The following LINGO2 variants were observed in gnomAD, a reference collection of about 807,000 sequenced individuals.
LINGO2 encodes the protein leucine-rich repeat and immunoglobulin-like domain-containing nogo receptor-interacting protein 2.
A neutral mutation model predicts 30.6 loss-of-function variants in LINGO2; 14 were observed. That is an observed-to-expected ratio of 0.46 (90% CI 0.30 to 0.72). LINGO2 has a LOEUF of 0.72. LINGO2 is among the 30% of genes least tolerant of loss of function. The probability of loss-of-function intolerance (pLI) is 0.07; values close to 1 mark genes in which losing one functional copy is unlikely to be tolerated. For missense variants in LINGO2, 729 were observed against 751.7 expected, an observed-to-expected ratio of 0.97 and a Z score of 0.35; for synonymous variants, 317 against 288.5, an observed-to-expected ratio of 1.10 and a Z score of -1.00.
chr9:29,062,817 C>T, the LINGO2 span, among the ~76,000 whole-genome samples: 4 of 152,106 alleles, frequency 2.6e-5, no homozygotes, highest in African/African-American at 7.2e-5. Flanking sequence ...AGCATGATTA[C>T]ATATGTCACA....
intron 3 of LINGO2, among the ~76,000 whole-genome samples, chr9:28,343,565 T>C (rs753247878): frequency 2.6e-5 from 4 of 152,156 alleles, no homozygotes; most frequent in African/African-American, 9.7e-5. Flanking sequence ...GGGACTGAGA[T>C]GAAAATTTAA....
At chr9:28,986,192 C>T in the LINGO2 span, among the ~76,000 whole-genome samples, 5 of 151,848 alleles carry the variant, frequency 3.3e-5, no homozygotes, top group African/African-American at 9.7e-5. Flanking sequence ...TTTCTGAGCT[C>T]TCTATTCTGT....
chr9:29,088,399 ACT>A, the LINGO2 span, among the ~76,000 whole-genome samples: 1 of 152,010 alleles, frequency 6.6e-6, no homozygotes, highest in Non-Finnish European at 1.5e-5. Context: ...TAAAGAGTCG[ACT>A]CTGAGTAAAC....
intron 1 of LINGO2, among the ~76,000 whole-genome samples, chr9:28,660,215 CTG>C (rs1223034655): frequency 6.6e-6 from 1 of 152,060 alleles, no homozygotes; most frequent in Non-Finnish European, 1.5e-5. Flanking sequence ...TGCATCATAA[CTG>C]TTCTAGTGTT....
intron 4 of LINGO2, among the ~76,000 whole-genome samples, chr9:28,040,495 C>A (rs1012490843): frequency 1.2e-4 from 13 of 108,386 alleles, no homozygotes; most frequent in African/African-American, 2.7e-4. Flanking sequence ...TTATTAAAAT[C>A]TTTTTTCTTT....
the LINGO2 span, among the ~76,000 whole-genome samples, chr9:29,152,102 A>G: frequency 6.6e-6 from 1 of 152,152 alleles, no homozygotes; most frequent in African/African-American, 2.4e-5. Flanking sequence ...TGCAAATCCA[A>G]ACCACAATGA....
intron 1 of LINGO2, among the ~76,000 whole-genome samples, chr9:28,628,068 G>A (rs1451217782): frequency 2.0e-5 from 3 of 151,832 alleles, no homozygotes; most frequent in Non-Finnish European, 4.4e-5. Flanking sequence ...TATTTGTGGA[G>A]TTATGAAAAA....
At chr9:27,997,254 G>T (rs1338251643) in intron 5 of LINGO2, among the ~76,000 whole-genome samples, 1 of 152,198 alleles carries the variant, frequency 6.6e-6, no homozygotes, top group Non-Finnish European at 1.5e-5. Flanking sequence ...TGGCAGATGT[G>T]AAAGACTTAA....
intron 1 of LINGO2, among the ~76,000 whole-genome samples, chr9:28,620,757 A>G (rs1237887541): frequency 6.6e-6 from 1 of 152,092 alleles, no homozygotes; most frequent in Non-Finnish European, 1.5e-5. Flanking sequence ...GTTCTCTGTT[A>G]TAAGTGGGAG....
chr9:28,347,689 A>G (rs1819645865), intron 3 of LINGO2, among the ~76,000 whole-genome samples: 1 of 152,076 alleles, frequency 6.6e-6, no homozygotes, highest in Admixed American at 6.5e-5. Context: ...TCCAGACTCC[A>G]CTCTGTAATT....
the LINGO2 span, among the ~76,000 whole-genome samples, chr9:28,847,881 T>G: frequency 1.6e-5 from 2 of 124,952 alleles, no homozygotes; most frequent in Non-Finnish European, 3.3e-5. Flanking sequence ...ATACAGTATA[T>G]ATACACATAT....
chr9:28,972,632 C>T, the LINGO2 span, among the ~76,000 whole-genome samples: 1 of 152,146 alleles, frequency 6.6e-6, no homozygotes, highest in African/African-American at 2.4e-5. Context: ...ACGTATTAGT[C>T]TGTTCTCATG....
At chr9:28,802,128 C>G in the LINGO2 span, among the ~76,000 whole-genome samples, 6 of 151,958 alleles carry the variant, frequency 3.9e-5, no homozygotes, top group African/African-American at 1.4e-4. Flanking sequence ...TAGTGCATAA[C>G]TTTTCTAGTT....
the LINGO2 span, among the ~76,000 whole-genome samples, chr9:29,099,663 C>A: frequency 6.6e-6 from 1 of 152,056 alleles, no homozygotes; most frequent in African/African-American, 2.4e-5. Context: ...TCAGAGAATG[C>A]AAATCAAACT....
chr9:28,604,816 C>A (rs1587946679), intron 1 of LINGO2, among the ~76,000 whole-genome samples: 1 of 151,724 alleles, frequency 6.6e-6, no homozygotes, highest in Non-Finnish European at 1.5e-5. Context: ...TATAGAGAGA[C>A]CTAATATGTG....
chr9:28,230,102 C>G (rs1194898422), intron 4 of LINGO2, among the ~76,000 whole-genome samples: 1 of 151,798 alleles, frequency 6.6e-6, no homozygotes. Flanking sequence ...ATCAACGTCA[C>G]ATTTATTGTT....
intron 3 of LINGO2, among the ~76,000 whole-genome samples, chr9:28,305,203 A>G (rs1258228682): frequency 6.6e-6 from 1 of 152,094 alleles, no homozygotes; most frequent in East Asian, 1.9e-4. Flanking sequence ...CTTTAAACAA[A>G]CTGGGACTAG....
chr9:28,567,389 C>G (rs751681883), intron 1 of LINGO2, among the ~76,000 whole-genome samples: 31 of 152,224 alleles, frequency 2.0e-4, no homozygotes, highest in Non-Finnish European at 4.1e-4. Flanking sequence ...GGCACAGAAT[C>G]AACCTAAGGG....
the LINGO2 span, among the ~76,000 whole-genome samples, chr9:29,051,317 T>C: frequency 1.3e-5 from 2 of 152,164 alleles, no homozygotes; most frequent in Non-Finnish European, 2.9e-5. Flanking sequence ...TCCCCAACCT[T>C]TGGTAACAAC....
Sources: allele counts gnomAD v4.1 joint callset (sites outside exome capture counted in the v4.1 genomes callset), GRCh38; gene constraint gnomAD v4.1.1; transcripts MANE v1.5; gene names NCBI Gene and HGNC (gene_info 2026-07-23, HGNC 2026-07-21).